RPAP1: variants seen among roughly 807,000 people sequenced by gnomAD.
The protein encoded by RPAP1 is RNA polymerase II associated protein 1, also known as RNA polymerase II-associated protein 1.
RPAP1 carries 109 observed loss-of-function variants against 142.4 expected under a neutral mutation model. The observed-to-expected ratio is 0.77, with a 90% CI of 0.66 to 0.90. RPAP1 has a LOEUF of 0.90. RPAP1 is among the 40% of genes least tolerant of loss of function. The pLI, the probability that RPAP1 is intolerant of heterozygous loss-of-function variation, is 0.00. For synonymous variants in RPAP1, 704 were observed against 738.9 expected (o/e 0.95, Z 0.77); for missense variants, 1,546 against 1,751.7 (o/e 0.88, Z 2.10).
At chr15:41,535,683 C>T (rs748710426) in intron 4 of RPAP1, 51 bp from the exon 5 acceptor site, 13 of 1,587,492 alleles carry the variant, frequency 8.2e-6, no homozygotes, top group Non-Finnish European at 1.1e-5. Context: ...ATCCCACTTT[C>T]CTCTCAACCT....
At chr15:41,524,004 G>T (rs764508647) in intron 16 of RPAP1, 32 bp from the exon 17 acceptor site, 101 of 1,612,610 alleles carry the variant, frequency 6.3e-5, no homozygotes, top group Non-Finnish European at 7.4e-5. Context: ...CCACAGTGAG[G>T]ATCTGGCTGC....
rs758170141 is a variant in RPAP1, at chr15:41,536,537, A to G, written c.294T>C (p.His98=). 1.2e-6 allele frequency: 2 copies of G among 1,614,160 alleles called. No homozygotes were observed. Among genetic ancestry groups the G allele is most frequent in the Admixed American group, 1.7e-5 (1 of 60,008 alleles). The change falls in exon 3 of 25, where the codon CAT becomes CAC. Residue 98 remains histidine, a synonymous_variant. Transcript: ENST00000304330. ...TCAAGACAGCAGTGATGTGCTGATC[A>G]TGCCTCCTCAGCCTCTCTTCTGGGT... The part of the protein sequence containing the change: ...DEDPEERLRR[H]DQHITAVLTK...
intron 22 of RPAP1, among the ~76,000 whole-genome samples, chr15:41,519,185 G>A (rs1357216789): frequency 6.7e-5 from 10 of 148,962 alleles, no homozygotes. Flanking sequence ...GCCACCTCAC[G>A]CAGCCATAAC....
At chr15:41,541,182 A>G (rs892885852) in intron 1 of RPAP1, among the ~76,000 whole-genome samples, 4 of 151,974 alleles carry the variant, frequency 2.6e-5, no homozygotes, top group Admixed American at 6.6e-5. Flanking sequence ...CAGCACTTTG[A>G]GGCTGAGGTG....
chr15:41,521,940 G>A, intron 20 of RPAP1, 60 bp from the exon 21 acceptor site: 1 of 1,589,400 alleles, frequency 6.3e-7, no homozygotes, highest in South Asian at 1.1e-5. Context: ...GCAGAGAGAA[G>A]TGAGGAAGAG....
chr15:41,524,448 A>G (rs1475546976), intron 15 of RPAP1, among the ~76,000 whole-genome samples, 194 bp from the exon 16 acceptor site: 4 of 151,812 alleles, frequency 2.6e-5, no homozygotes, highest in African/African-American at 9.7e-5. Context: ...CAGGGAATTT[A>G]AATGTGATTT....
In RPAP1 at chr15:41,531,097, G is replaced by C. The variant is rs1401917771; in HGVS notation, c.869C>G (p.Thr290Ser). The C allele has an allele frequency of 6.2e-7, 1 of 1,614,010 alleles. No individual in the cohort carries two copies. Among genetic ancestry groups the C allele is most frequent in the Admixed American group, 1.7e-5 (1 of 60,008 alleles). ...AGCTGACATGAGGGGTTCCTCCTTG[G>C]TGACATTAGCAGAGGGTCCTCCTGG... ...QRPGGPSANV[T>S]KEEPLMSAFA... The change falls in exon 7 of 25, where the codon ACC becomes AGC. Residue 290 changes from threonine (T) to serine (S), a missense_variant. Transcript: ENST00000304330.
intron 6 of RPAP1, among the ~76,000 whole-genome samples, chr15:41,532,782 A>C (rs971271695): frequency 1.3e-5 from 2 of 152,070 alleles, no homozygotes; most frequent in African/African-American, 4.8e-5. Context: ...GTTCAAGACC[A>C]GCCTGGCCAA....
chr15:41,529,393 A>G (rs528893722), intron 9 of RPAP1, 77 bp downstream of exon 9: 1 of 957,200 alleles, frequency 1.0e-6, no homozygotes, highest in Non-Finnish European at 1.6e-6. Context: ...ACAGAAGGTC[A>G]AAGGCAGTTG....
intron 1 of RPAP1, among the ~76,000 whole-genome samples, chr15:41,539,967 A>G (rs1273105724): frequency 5.3e-5 from 8 of 152,068 alleles, no homozygotes; most frequent in South Asian, 4.1e-4. Flanking sequence ...TGGGAGGCGG[A>G]GGCTGCAGTG....
intron 14 of RPAP1, 143 bp downstream of exon 14, chr15:41,526,755 A>G: frequency 1.2e-6 from 1 of 839,750 alleles, no homozygotes; most frequent in Non-Finnish European, 1.9e-6. Flanking sequence ...ATGCCTGGTG[A>G]TTTCTGTTGC....
At chr15:41,529,666 C>T in intron 8 of RPAP1, 98 bp from the exon 9 acceptor site, 1 of 960,060 alleles carries the variant, frequency 1.0e-6, no homozygotes, top group Non-Finnish European at 1.6e-6. Flanking sequence ...GACTTAGGTA[C>T]TGACTCTACT....
chr15:41,534,499 T>C (rs11855581), intron 6 of RPAP1, among the ~76,000 whole-genome samples: 61,724 of 146,914 alleles, frequency 0.42, 14,409 homozygotes, highest in South Asian at 0.53. Flanking sequence ...AGTGGGAGGA[T>C]TGCTTGAGCC....
chr15:41,528,030 G>A lies in RPAP1; in HGVS notation c.1261-3C>T. On this transcript the variant is annotated splice_polypyrimidine_tract_variant and splice_region_variant and intron_variant, in intron 10 of 24. Coordinates refer to ENST00000304330, the MANE Select transcript of RPAP1 (RefSeq NM_015540.4). ...TCCCCAAACTCACCAGCCTGGGCCT[G>A]AGGGCAGGAGGGTAAAACCTTGCTG... is the stretch of plus-strand genomic sequence containing the variant. 6.2e-7 allele frequency: 1 copy of A among 1,613,462 alleles called. No homozygotes were observed. The highest frequency in any genetic ancestry group is 1.1e-5 in the South Asian group (1 of 90,960).
intron 9 of RPAP1, among the ~76,000 whole-genome samples, chr15:41,528,826 G>T (rs1206131797): frequency 6.6e-6 from 1 of 152,176 alleles, no homozygotes; most frequent in African/African-American, 2.4e-5. Flanking sequence ...TGAGCAGAGG[G>T]AAGCTGGGAA....
chr15:41,520,078 C>A, intron 22 of RPAP1: 1 of 319,382 alleles, frequency 3.1e-6, no homozygotes, highest in Non-Finnish European at 6.0e-6. Flanking sequence ...GGACTACAGG[C>A]ACCCGCAACC....
At chr15:41,531,600 C>CACACACATATATATATAT (rs1420926148) in intron 6 of RPAP1, among the ~76,000 whole-genome samples, 5 of 67,640 alleles carry the variant, frequency 7.4e-5, no homozygotes, top group Non-Finnish European at 1.5e-4. Flanking sequence ...TGCACACACA[C>CACACACATATATATATAT]ATATATATAT....
chr15:41,523,839 C>T lies in RPAP1; in HGVS notation c.2368G>A (p.Ala790Thr). The T allele has an allele frequency of 1.2e-6, 2 of 1,609,188 alleles. No individual in the cohort carries two copies. The highest frequency in any genetic ancestry group is 1.7e-6 in the Non-Finnish European group (2 of 1,177,848). ...KLLSRPEMWR[A>T]VGPVPVACLL... is the part of the protein sequence containing the mutation. ...CAGGCAACGGGCACTGGGCCCACGG[C>T]TCTCCACATCTCAGGTCTGGACAGC... The change falls in exon 17 of 25, where the codon GCC (alanine) becomes ACC (threonine). Residue 790 changes from alanine (A) to threonine (T), a missense_variant. This residue lies in a region of RPAP1 where 1,333 missense variants were observed against 1,486.6 expected (regional missense o/e 0.90). Transcript: ENST00000304330.
chr15:41,524,341 A>T, intron 15 of RPAP1, 87 bp from the exon 16 acceptor site: 1 of 1,191,450 alleles, frequency 8.4e-7, no homozygotes, highest in East Asian at 2.5e-5. Context: ...AGGGATCTGC[A>T]GTTTGATAAA....
Sources: allele counts gnomAD v4.1 joint callset (sites outside exome capture counted in the v4.1 genomes callset), GRCh38; gene constraint gnomAD v4.1.1; regional missense constraint gnomAD v4.1.1; transcripts MANE v1.5; gene names NCBI Gene and HGNC (gene_info 2026-07-23, HGNC 2026-07-21).